Variants in CAST observed in about 807,000 individuals in gnomAD.
The protein encoded by CAST is MIR583 host.
In CAST, 76 loss-of-function variants were observed where a neutral mutation model predicts 119.6. The observed-to-expected ratio is 0.64, with a 90% CI of 0.53 to 0.77. The LOEUF is 0.77. Among genes scored for constraint, CAST ranks in the 30% least tolerant of loss-of-function variants. The probability of loss-of-function intolerance (pLI) is 0.00; values close to 1 mark genes in which losing one functional copy is unlikely to be tolerated. For missense variants in CAST, 953 were observed against 946.5 expected (o/e 1.01, Z -0.09); for synonymous variants, 319 against 331.6 (o/e 0.96, Z 0.41).
chr5:96,295,699 A>G, the CAST span, among the ~76,000 whole-genome samples: 1 of 152,200 alleles, frequency 6.6e-6, no homozygotes, highest in Non-Finnish European at 1.5e-5. Flanking sequence ...CCTACTTGCC[A>G]GACATAATGG....
chr5:96,704,039 T>C (rs925982654), intron 3 of CAST, among the ~76,000 whole-genome samples: 4 of 152,154 alleles, frequency 2.6e-5, no homozygotes, highest in Admixed American at 6.5e-5. Context: ...TAGTGAAATT[T>C]AGCAAAATCT....
the CAST span, among the ~76,000 whole-genome samples, chr5:96,160,514 G>A: frequency 5.9e-5 from 9 of 152,002 alleles, no homozygotes; most frequent in Admixed American, 6.6e-5. Context: ...TTCATCTACC[G>A]ATATACTTTT....
At chr5:96,247,166 C>G in the CAST span, among the ~76,000 whole-genome samples, 2 of 152,218 alleles carry the variant, frequency 1.3e-5, no homozygotes, top group Non-Finnish European at 2.9e-5. Context: ...GTCACTATGT[C>G]TGACTGGGCA....
rs531096873 is a variant in CAST at position 96,541,180 on chromosome 5, T to A, written c.60+11300T>A. On this transcript the variant is annotated intron_variant, in intron 1 of 11. Coordinates refer to the CAST transcript ENST00000505143. Reference sequence around the variant, plus strand: ...TAATTTATGAAATCGTTTATGTGTATCATTATGGTCTCATGAATATCTATT... The same window carrying A: ...TAATTTATGAAATCGTTTATGTGTAACATTATGGTCTCATGAATATCTATT... Among the ~76,000 whole-genome samples, 3 of 152,348 alleles carry A rather than the reference T, an allele frequency of 2.0e-5. No homozygotes were observed. The South Asian group carries it at 6.2e-4, about 32-fold the overall frequency.
chr5:96,369,621 CT>C, the CAST span, among the ~76,000 whole-genome samples: 4 of 152,180 alleles, frequency 2.6e-5, no homozygotes, highest in African/African-American at 9.6e-5. Flanking sequence ...ATGAGAAGAC[CT>C]TTTAATCTCC....
the CAST span, among the ~76,000 whole-genome samples, chr5:96,455,812 G>A: frequency 6.6e-6 from 1 of 152,092 alleles, no homozygotes; most frequent in Non-Finnish European, 1.5e-5. Context: ...TTTCTTCGTA[G>A]TTTTTACCAT....
the CAST span, among the ~76,000 whole-genome samples, chr5:96,146,509 C>A: frequency 6.6e-6 from 1 of 152,222 alleles, no homozygotes; most frequent in Admixed American, 6.5e-5. Flanking sequence ...TGCTATTGGT[C>A]TTGGGAACTA....
At chr5:96,558,493 C>T (rs1423546526) in intron 1 of CAST, among the ~76,000 whole-genome samples, 1 of 152,066 alleles carries the variant, frequency 6.6e-6, no homozygotes, top group Non-Finnish European at 1.5e-5. Flanking sequence ...AGAGAAGAAT[C>T]AAATAGACGC....
the CAST span, among the ~76,000 whole-genome samples, chr5:96,169,139 C>G: frequency 1.3e-5 from 2 of 152,022 alleles, no homozygotes; most frequent in Non-Finnish European, 2.9e-5. Flanking sequence ...GGGAGATTAG[C>G]CGGACACGAG....
chr5:95,995,182 T>TTTTTTTTTTTTTTTTTTTTGAGACGG, the CAST span, among the ~76,000 whole-genome samples: 1 of 151,922 alleles, frequency 6.6e-6, no homozygotes, highest in African/African-American at 2.4e-5. Flanking sequence ...GTATGATTTT[T>TTTTTTTTTTTTTTTTTTTTGAGACGG]AAAATGAGGC....
At chr5:96,450,448 G>C in the CAST span, among the ~76,000 whole-genome samples, 1 of 152,250 alleles carries the variant, frequency 6.6e-6, no homozygotes, top group Non-Finnish European at 1.5e-5. Context: ...AGGTGGGAGG[G>C]TGAAAAGGAG....
At chr5:96,117,810 A>G in the CAST span, among the ~76,000 whole-genome samples, 1 of 152,210 alleles carries the variant, frequency 6.6e-6, no homozygotes, top group Admixed American at 6.5e-5. Context: ...TTATTTCTGC[A>G]AATCTGTTTG....
At chr5:96,377,138 A>C in the CAST span, among the ~76,000 whole-genome samples, 8 of 152,012 alleles carry the variant, frequency 5.3e-5, no homozygotes, top group African/African-American at 1.9e-4. Flanking sequence ...AGCCAAATAA[A>C]ACAGTCAAAC....
At chr5:96,432,534 G>C in the CAST span, among the ~76,000 whole-genome samples, 1 of 152,196 alleles carries the variant, frequency 6.6e-6, no homozygotes, top group Non-Finnish European at 1.5e-5. Context: ...GAGCTTGAGT[G>C]TATCTCAAGT....
At chr5:96,301,393 A>T in the CAST span, among the ~76,000 whole-genome samples, 1 of 151,922 alleles carries the variant, frequency 6.6e-6, no homozygotes, top group Admixed American at 6.6e-5. Context: ...CCCCTCCCAA[A>T]TCTCATGTCC....
the CAST span, among the ~76,000 whole-genome samples, chr5:96,376,186 T>G: frequency 6.6e-6 from 1 of 151,402 alleles, no homozygotes; most frequent in Non-Finnish European, 1.5e-5. Context: ...TATACAATAG[T>G]GGTCCCATAA....
At chr5:96,460,637 G>T in the CAST span, among the ~76,000 whole-genome samples, 2 of 151,932 alleles carry the variant, frequency 1.3e-5, no homozygotes, top group Non-Finnish European at 2.9e-5. Context: ...AGCTCTGTTT[G>T]CATACTTAAA....
chr5:96,771,633 T>C lies in CAST; in HGVS notation c.2341-11T>C, dbSNP rs879280986. The stretch of plus-strand genomic sequence containing the variant: ...AAGAAAGCTCACGGATGGTTTTGCT[T>C]TCCCTTTTAGACAACAGAGGAAACT... On this transcript the variant is annotated splice_polypyrimidine_tract_variant and intron_variant, in intron 30 of 31. Coordinates refer to ENST00000675179, the MANE Select transcript of CAST (RefSeq NM_001750.7). 1.2e-6 allele frequency: 2 copies of C among 1,610,368 alleles called. No individual in the cohort carries two copies. The highest frequency in any genetic ancestry group is 2.7e-5 in the African/African-American group (2 of 74,784).
intron 1 of CAST, among the ~76,000 whole-genome samples, chr5:96,570,626 A>G: frequency 6.6e-6 from 1 of 152,182 alleles, no homozygotes; most frequent in East Asian, 1.9e-4. Flanking sequence ...GGTAAAGAGG[A>G]TGCTTAAAAC....
Sources: gnomAD v4.1 joint callset for allele counts (sites outside exome capture counted in the v4.1 genomes callset) on GRCh38, gnomAD v4.1.1 for gene constraint, MANE v1.5 for transcripts, NCBI Gene and HGNC (gene_info 2026-07-23, HGNC 2026-07-21) for gene names.